Variants in APBA2 observed in about 807,000 individuals in gnomAD.
The protein encoded by APBA2 is amyloid beta precursor protein binding family A member 2, also known as amyloid-beta A4 precursor protein-binding family A member 2.
A neutral mutation model predicts 75.0 loss-of-function variants in APBA2; 30 were observed. That is an observed-to-expected ratio of 0.40 (90% CI 0.30 to 0.54). APBA2 has a LOEUF of 0.54. Among genes scored for constraint, APBA2 ranks in the 20% least tolerant of loss-of-function variants. The pLI is 0.49. For synonymous variants in APBA2, 444 were observed against 409.6 expected, an observed-to-expected ratio of 1.08 and a Z score of -1.01; for missense variants, 801 against 1,016.1, an observed-to-expected ratio of 0.79 and a Z score of 2.88.
intron 1 of APBA2, among the ~76,000 whole-genome samples, chr15:28,890,167 C>G (rs568059285): frequency 1.1e-4 from 16 of 152,214 alleles, no homozygotes; most frequent in Non-Finnish European, 1.8e-4. Flanking sequence ...AGCACAGACC[C>G]TCACTCAGTG....
chr15:28,967,043 G>A (rs2036776435), intron 2 of APBA2, among the ~76,000 whole-genome samples: 1 of 152,162 alleles, frequency 6.6e-6, no homozygotes, highest in African/African-American at 2.4e-5. Flanking sequence ...GGACAGTCTA[G>A]TCTTCTTCTG....
chr15:28,957,848 A>G (rs1249686420), intron 2 of APBA2, among the ~76,000 whole-genome samples: 2 of 152,128 alleles, frequency 1.3e-5, no homozygotes, highest in South Asian at 2.1e-4. Flanking sequence ...GTGGGAGCAC[A>G]ATATGTCCAG....
chr15:28,969,183 T>TCTTTC (rs71132862), intron 2 of APBA2, among the ~76,000 whole-genome samples: 3 of 144,966 alleles, frequency 2.1e-5, no homozygotes, highest in Admixed American at 7.0e-5. Context: ...TTTCTTTCTT[T>TCTTTC]TTTTTATTTT....
At chr15:28,916,247 C>G (rs2033685540) in intron 1 of APBA2, among the ~76,000 whole-genome samples, 1 of 152,130 alleles carries the variant, frequency 6.6e-6, no homozygotes, top group Admixed American at 6.5e-5. Context: ...GGGAGACCAG[C>G]CTGTTCGCCA....
chr15:28,897,185 A>ACG (rs771266573), intron 1 of APBA2, among the ~76,000 whole-genome samples: 18 of 84,172 alleles, frequency 2.1e-4, no homozygotes, highest in African/African-American at 4.0e-4. Flanking sequence ...AAGACACGAC[A>ACG]CACACACACA....
At chr15:28,894,594 G>A (rs926465336) in intron 1 of APBA2, among the ~76,000 whole-genome samples, 3 of 152,188 alleles carry the variant, frequency 2.0e-5, no homozygotes, top group Non-Finnish European at 4.4e-5. Context: ...GGGACTATGT[G>A]GTTTGTGTAG....
chr15:28,966,147 A>G (rs1378998282), intron 2 of APBA2, among the ~76,000 whole-genome samples: 1 of 152,016 alleles, frequency 6.6e-6, no homozygotes, highest in Non-Finnish European at 1.5e-5. Flanking sequence ...TGTTCCATGG[A>G]CAATTGAAAA....
In APBA2 at chr15:28,991,787, A is replaced by G. The variant is rs891994402; in HGVS notation, c.-94-3966A>G. Reference sequence around the variant, plus strand: ...CCCAGGGCCTCTGCTCAGTGTGGCCAGAGCCTCCTGTCAACAAGTATGTCA... The same window carrying G: ...CCCAGGGCCTCTGCTCAGTGTGGCCGGAGCCTCCTGTCAACAAGTATGTCA... On this transcript the variant is annotated intron_variant, in intron 2 of 14. Transcript: ENST00000683413. The surrounding 1 kb of genome is among the most constrained non-coding windows in gnomAD (Gnocchi z 4.7). Among the ~76,000 whole-genome samples the G allele has an allele frequency of 6.6e-6, 1 of 152,190 alleles. No homozygotes were observed. The highest frequency in any genetic ancestry group is 2.4e-5 in the African/African-American group (1 of 41,446).
chr15:29,006,133 G>A (rs576656165), intron 3 of APBA2, among the ~76,000 whole-genome samples: 2 of 152,200 alleles, frequency 1.3e-5, no homozygotes, highest in Non-Finnish European at 1.5e-5. Flanking sequence ...TGGAAAGGAA[G>A]AGGTGAAATT....
At chr15:28,949,924 A>G (rs2035760755) in intron 2 of APBA2, among the ~76,000 whole-genome samples, 1 of 152,202 alleles carries the variant, frequency 6.6e-6, no homozygotes. Context: ...TGAGGAACCA[A>G]CGTGGGTCCA....
rs560547915 is a variant in APBA2, at chr15:29,052,571, C to G, written c.-40-1274C>G. On this transcript the variant is annotated intron_variant, in intron 3 of 14. Coordinates refer to ENST00000683413, the MANE Select transcript of APBA2 (RefSeq NM_001353788.2). ...GAGAGAATAGCCTTTTCACTGGTCT[C>G]CCTGCCTCTAGCCTCTAGCCTCTGT... Among the ~76,000 whole-genome samples the G allele has an allele frequency of 3.3e-5, 5 of 152,260 alleles. No individual in the cohort carries two copies. The South Asian group carries it at 1.0e-3, about 32-fold the overall frequency.
At chr15:28,950,190 T>C (rs962944321) in intron 2 of APBA2, among the ~76,000 whole-genome samples, 6 of 152,322 alleles carry the variant, frequency 3.9e-5, no homozygotes, top group Middle Eastern at 3.4e-3. Context: ...ACTGGAGTTA[T>C]GGGTTTGGGG....
intron 1 of APBA2, among the ~76,000 whole-genome samples, chr15:28,886,816 C>A (rs574958577): frequency 2.2e-4 from 34 of 152,334 alleles, no homozygotes; most frequent in African/African-American, 7.7e-4. Context: ...CCCCACACCC[C>A]GTTGCTCCTG....
At chr15:28,900,393 C>T (rs1405022217) in intron 1 of APBA2, among the ~76,000 whole-genome samples, 1 of 152,236 alleles carries the variant, frequency 6.6e-6, no homozygotes, top group African/African-American at 2.4e-5. Flanking sequence ...GAGGGTCCCA[C>T]ATGACAGAGA....
At chr15:29,106,962 G>A (rs2044447259) in intron 12 of APBA2, 143 bp downstream of exon 12, 2 of 734,214 alleles carry the variant, frequency 2.7e-6, no homozygotes, top group South Asian at 1.7e-5. Flanking sequence ...CCGGTGACTG[G>A]TCGATGATGG....
intron 2 of APBA2, among the ~76,000 whole-genome samples, chr15:28,941,239 C>T (rs2035205222): frequency 6.6e-6 from 1 of 152,138 alleles, no homozygotes; most frequent in Non-Finnish European, 1.5e-5. Flanking sequence ...AGCGTCTCAG[C>T]ACATCTGAAT....
chr15:29,003,208 C>T (rs555018035), intron 3 of APBA2, among the ~76,000 whole-genome samples: 99 of 152,134 alleles, frequency 6.5e-4, no homozygotes, highest in African/African-American at 2.3e-3. Flanking sequence ...GGTGGAGGCC[C>T]GTGCACCAGA....
chr15:29,064,588 G>A (rs1044066996), intron 4 of APBA2, among the ~76,000 whole-genome samples: 1 of 152,200 alleles, frequency 6.6e-6, no homozygotes, highest in African/African-American at 2.4e-5. Flanking sequence ...TGGGAAGTCA[G>A]CCGACAAGGT....
At chr15:29,001,062 G>A (rs1431861988) in intron 3 of APBA2, among the ~76,000 whole-genome samples, 2 of 151,936 alleles carry the variant, frequency 1.3e-5, no homozygotes, top group Admixed American at 6.6e-5. Context: ...GTGGACATCT[G>A]AGTCCACAGC....
Sources: gnomAD v4.1 joint callset for allele counts (sites outside exome capture counted in the v4.1 genomes callset) on GRCh38, gnomAD v4.1.1 for gene constraint, Gnocchi (gnomAD v3.1) non-coding constraint, MANE v1.5 for transcripts, NCBI Gene and HGNC (gene_info 2026-07-23, HGNC 2026-07-21) for gene names.